CLIC5: variants seen among roughly 807,000 people sequenced by gnomAD.
CLIC5 encodes the protein chloride intracellular channel protein 5.
CLIC5 carries 20 observed loss-of-function variants against 24.7 expected under a neutral mutation model. The observed-to-expected ratio is 0.81, with a 90% CI of 0.57 to 1.18. The LOEUF (loss-of-function observed/expected upper bound fraction) is 1.18, where lower values mean the gene tolerates loss of function less well. Among genes scored for constraint, CLIC5 ranks in the 50% most tolerant of loss-of-function variants. The pLI is 0.00. For missense variants in CLIC5, 341 were observed against 326.1 expected (o/e 1.05, Z -0.35); for synonymous variants, 159 against 135.6 (o/e 1.17, Z -1.20).
intron 1 of CLIC5, among the ~76,000 whole-genome samples, chr6:46,011,881 C>T (rs938196733): frequency 1.3e-5 from 2 of 152,154 alleles, no homozygotes; most frequent in African/African-American, 4.8e-5. Flanking sequence ...AATATCCCTG[C>T]AAGTGAGGAA....
chr6:46,080,302 G>C, exon 1 of CLIC5: 1 of 1,422,832 alleles, frequency 7.0e-7, no homozygotes, highest in African/African-American at 1.4e-5. Flanking sequence ...AATGAATGAA[G>C]GGACAGAGGA....
intron 1 of CLIC5, among the ~76,000 whole-genome samples, chr6:46,056,188 C>A (rs1327568976): frequency 2.0e-5 from 3 of 152,228 alleles, no homozygotes; most frequent in Admixed American, 2.0e-4. Context: ...AGGGGTAGTG[C>A]TTAGATATGA....
At chr6:45,962,856 G>A (rs764063832) in intron 1 of CLIC5, among the ~76,000 whole-genome samples, 1 of 152,190 alleles carries the variant, frequency 6.6e-6, no homozygotes, top group South Asian at 2.1e-4. Context: ...TTTGTATGTT[G>A]CACAGTGCCA....
At chr6:45,921,012 C>A (rs1763237938) in intron 4 of CLIC5, among the ~76,000 whole-genome samples, 1 of 152,050 alleles carries the variant, frequency 6.6e-6, no homozygotes, top group African/African-American at 2.4e-5. Context: ...TAGCTTTTTT[C>A]TCAGTTGCCA....
intron 4 of CLIC5, among the ~76,000 whole-genome samples, chr6:45,915,858 G>A (rs1302473675): frequency 2.6e-5 from 4 of 152,144 alleles, no homozygotes; most frequent in Non-Finnish European, 4.4e-5. Context: ...GACAAACATG[G>A]AGGAGATGGC....
chr6:45,971,901 C>G (rs1765212754), intron 1 of CLIC5, among the ~76,000 whole-genome samples: 1 of 152,160 alleles, frequency 6.6e-6, no homozygotes, highest in Admixed American at 6.5e-5. Flanking sequence ...CTATGTCCTC[C>G]TAGTTAGCTC....
the CLIC5 span, among the ~76,000 whole-genome samples, chr6:46,093,309 A>G: frequency 4.4e-3 from 669 of 152,240 alleles, 5 homozygotes; most frequent in African/African-American, 0.015. Context: ...TATATCTCCA[A>G]TACAGAACTT....
chr6:46,015,635 G>C lies in CLIC5; in HGVS notation c.-93C>G. 2.2e-6 allele frequency: 3 copies of C among 1,384,694 alleles called. No homozygotes were observed. The highest frequency in any genetic ancestry group is 2.8e-6 in the Non-Finnish European group (3 of 1,058,934). The allele number at this position is 1,384,694 out of a possible 1,614,324, so 85.8% of individuals were successfully genotyped here. Reference sequence around the variant, plus strand: ...CTCTGCGCTCCTGCCGCTGCCCAGCGGGGCTCCTCTTCAGGGCGGTGTTTA... The same window carrying C: ...CTCTGCGCTCCTGCCGCTGCCCAGCCGGGCTCCTCTTCAGGGCGGTGTTTA... On this transcript the variant is annotated 5_prime_UTR_variant, in exon 1 of 6. Coordinates refer to ENST00000339561, the MANE Select transcript of CLIC5 (RefSeq NM_016929.5).
intron 1 of CLIC5, among the ~76,000 whole-genome samples, chr6:46,062,192 G>C (rs1762301222): frequency 6.6e-6 from 1 of 152,190 alleles, no homozygotes; most frequent in African/African-American, 2.4e-5. Context: ...AGTTTATAGA[G>C]AGCTGCTATT....
At chr6:45,969,157 A>G (rs1020498671) in intron 1 of CLIC5, among the ~76,000 whole-genome samples, 1 of 152,222 alleles carries the variant, frequency 6.6e-6, no homozygotes, top group African/African-American at 2.4e-5. Context: ...CATGGCTCAC[A>G]GCACGGGCTG....
At chr6:45,958,142 A>C (rs1764707949) in intron 1 of CLIC5, among the ~76,000 whole-genome samples, 1 of 152,046 alleles carries the variant, frequency 6.6e-6, no homozygotes, top group South Asian at 2.1e-4. Flanking sequence ...TGATGTCCTT[A>C]CAAGAAGAGG....
intron 1 of CLIC5, among the ~76,000 whole-genome samples, chr6:46,001,872 A>G (rs1766372301): frequency 6.6e-6 from 1 of 152,162 alleles, no homozygotes. Context: ...TGTCACCACA[A>G]TATCTGGTGC....
At chr6:46,007,077 A>G (rs1167103938) in intron 1 of CLIC5, among the ~76,000 whole-genome samples, 1 of 152,144 alleles carries the variant, frequency 6.6e-6, no homozygotes, top group Non-Finnish European at 1.5e-5. Flanking sequence ...AGAAGTTCAG[A>G]TAAAATCCCT....
rs191415065 is a variant in CLIC5, at chr6:45,934,632, G to A, written c.406+6915C>T. On this transcript the variant is annotated intron_variant, in intron 4 of 5. Coordinates refer to ENST00000339561, the MANE Select transcript of CLIC5 (RefSeq NM_016929.5). ...AGGGAGTCCTGTGGAAGTGGGCTGC[G>A]CAAAAGGAGGTTGGATGGAAGGTGG... Among the ~76,000 whole-genome samples, 19 of 152,328 alleles carry A rather than the reference G, an allele frequency of 1.2e-4. 1 individual carries two copies. The South Asian group carries it at 2.3e-3, about 18-fold the overall frequency.
intron 4 of CLIC5, among the ~76,000 whole-genome samples, chr6:45,938,637 T>C (rs1175696494): frequency 2.0e-5 from 3 of 151,824 alleles, no homozygotes; most frequent in Admixed American, 6.6e-5. Flanking sequence ...ACAATGAAAA[T>C]TGGAGAGTAC....
In CLIC5 at chr6:46,046,607, G is replaced by C. The variant is rs183506149; in HGVS notation, c.540+33096C>G. ...GAAACTTGCTTTTTACTTTCAGATG[G>C]GTGTATACCATGATGATTTTGATAA... is the stretch of plus-strand genomic sequence containing the variant. On this transcript the variant is annotated intron_variant, in intron 1 of 5. Transcript: ENST00000185206. Among the ~76,000 whole-genome samples the C allele has an allele frequency of 3.3e-3, 505 of 152,224 alleles. 3 individuals are homozygous for C. The highest frequency in any genetic ancestry group is 0.011 in the African/African-American group (474 of 41,534).
At chr6:45,975,955 A>T (rs1158792280) in intron 1 of CLIC5, among the ~76,000 whole-genome samples, 7 of 152,174 alleles carry the variant, frequency 4.6e-5, no homozygotes, top group Admixed American at 2.0e-4. Flanking sequence ...GTAAATGATC[A>T]GTGATGGAAA....
intron 1 of CLIC5, among the ~76,000 whole-genome samples, chr6:45,970,206 C>A (rs1285656877): frequency 6.6e-6 from 1 of 152,194 alleles, no homozygotes; most frequent in Admixed American, 6.5e-5. Context: ...CAACTAATTT[C>A]TTCTGAGCCC....
chr6:46,027,267 C>A (rs1424247273), intron 1 of CLIC5, among the ~76,000 whole-genome samples: 1 of 152,174 alleles, frequency 6.6e-6, no homozygotes, highest in Non-Finnish European at 1.5e-5. Context: ...GAAGGCCTCT[C>A]TGAAGTGATG....
Sources: allele counts gnomAD v4.1 joint callset (sites outside exome capture counted in the v4.1 genomes callset), GRCh38; gene constraint gnomAD v4.1.1; transcripts MANE v1.5; gene names NCBI Gene and HGNC (gene_info 2026-07-23, HGNC 2026-07-21).